The following PDE10A variants were observed in gnomAD, a reference collection of about 807,000 sequenced individuals.
PDE10A encodes the protein phosphodiesterase 10A.
A neutral mutation model predicts 97.7 loss-of-function variants in PDE10A; 39 were observed. The observed-to-expected ratio is 0.40, with a 90% CI of 0.31 to 0.52. PDE10A has a LOEUF of 0.52. Ranked by LOEUF, PDE10A falls within the 20% of genes least tolerant of loss-of-function variation. PDE10A has a pLI of 0.56. For synonymous variants in PDE10A, 371 were observed against 376.8 expected (o/e 0.98, Z 0.18); for missense variants, 731 against 1,047.8 (o/e 0.70, Z 4.17).
rs549480088 is a variant in PDE10A, at chr6:165,681,823, C to T, written c.-614-138255G>A. ...GTCCTTCTAATAAGTGAGCTGGCTA[C>T]TAGAGGAAGTGAGAAGCTCAGAGAG... is the stretch of plus-strand genomic sequence containing the variant. On this transcript the variant is annotated intron_variant, in intron 1 of 19. Transcript: ENST00000366882. Among the ~76,000 whole-genome samples the T allele has an allele frequency of 4.6e-5, 7 of 152,194 alleles. No individual in the cohort carries two copies. The East Asian group carries it at 1.4e-3, about 29-fold the overall frequency.
chr6:165,777,128 C>A (rs1778208742), intron 1 of PDE10A, among the ~76,000 whole-genome samples: 1 of 152,160 alleles, frequency 6.6e-6, no homozygotes, highest in African/African-American at 2.4e-5. Flanking sequence ...AACAGCATCC[C>A]GGACGAATCT....
At chr6:165,647,383 G>A (rs74478864) in intron 1 of PDE10A, among the ~76,000 whole-genome samples, 251 of 152,316 alleles carry the variant, frequency 1.6e-3, no homozygotes, top group African/African-American at 5.1e-3. Context: ...AGACAGGACC[G>A]AGTGAAGGCG....
At chr6:165,490,483 A>T (rs1780165558) in intron 2 of PDE10A, among the ~76,000 whole-genome samples, 1 of 152,204 alleles carries the variant, frequency 6.6e-6, no homozygotes, top group African/African-American at 2.4e-5. Context: ...TTCAAAATAC[A>T]CCAAAATAGA....
intron 1 of PDE10A, among the ~76,000 whole-genome samples, chr6:165,710,265 C>G (rs1582973173): frequency 6.6e-6 from 1 of 152,178 alleles, no homozygotes; most frequent in African/African-American, 2.4e-5. Flanking sequence ...GACACAAGGA[C>G]TGTATCTTGG....
intron 18 of PDE10A, among the ~76,000 whole-genome samples, chr6:165,364,289 T>C (rs1012706277): frequency 6.6e-6 from 1 of 152,132 alleles, no homozygotes; most frequent in African/African-American, 2.4e-5. Context: ...AGTTCCCACA[T>C]AATAGAAACC....
chr6:165,597,608 C>A (rs542708339), intron 1 of PDE10A, among the ~76,000 whole-genome samples: 1 of 152,272 alleles, frequency 6.6e-6, no homozygotes, highest in Non-Finnish European at 1.5e-5. Context: ...AAACGTAGCA[C>A]ATAAACAAAG....
intron 1 of PDE10A, among the ~76,000 whole-genome samples, chr6:165,828,671 C>G (rs948298862): frequency 6.6e-6 from 1 of 152,172 alleles, no homozygotes; most frequent in African/African-American, 2.4e-5. Flanking sequence ...CTCCTTAAAG[C>G]TGTTCTTTTT....
chr6:165,369,916 C>T (rs1262922342), intron 18 of PDE10A, among the ~76,000 whole-genome samples: 1 of 151,734 alleles, frequency 6.6e-6, no homozygotes, highest in Non-Finnish European at 1.5e-5. Flanking sequence ...AGAGTGGGGG[C>T]CAATATTCAA....
intron 1 of PDE10A, among the ~76,000 whole-genome samples, chr6:165,984,883 T>C (rs1479719896): frequency 6.6e-6 from 1 of 152,158 alleles, no homozygotes; most frequent in African/African-American, 2.4e-5. Flanking sequence ...CCGGAACCCG[T>C]CCTTTGTTTG....
At chr6:165,751,409 CAA>C (rs1217688223) in intron 1 of PDE10A, among the ~76,000 whole-genome samples, 1 of 152,142 alleles carries the variant, frequency 6.6e-6, no homozygotes, top group African/African-American at 2.4e-5. Flanking sequence ...CTGAGGGCAG[CAA>C]AAGTGAAGGA....
chr6:165,437,519 C>T (rs1246528970), intron 5 of PDE10A, among the ~76,000 whole-genome samples: 1 of 152,000 alleles, frequency 6.6e-6, no homozygotes, highest in African/African-American at 2.4e-5. Flanking sequence ...CAACTACTTG[C>T]TAGAATATGA....
intron 1 of PDE10A, among the ~76,000 whole-genome samples, chr6:165,673,013 G>A (rs929181503): frequency 1.3e-5 from 2 of 152,108 alleles, no homozygotes; most frequent in Non-Finnish European, 2.9e-5. Flanking sequence ...CCTTTGCCAT[G>A]AATTAAATAA....
chr6:165,932,428 T>G (rs1280544293), intron 1 of PDE10A, among the ~76,000 whole-genome samples: 2 of 152,102 alleles, frequency 1.3e-5, no homozygotes, highest in African/African-American at 4.8e-5. Flanking sequence ...CTCCGCCTCC[T>G]GAGTTCAAGC....
intron 2 of PDE10A, among the ~76,000 whole-genome samples, chr6:165,539,256 C>G (rs1193221942): frequency 6.6e-6 from 1 of 151,918 alleles, no homozygotes; most frequent in Non-Finnish European, 1.5e-5. Context: ...TTTTATGTAT[C>G]TGAAATGAAA....
chr6:165,464,686 T>A (rs1190338479), intron 3 of PDE10A, among the ~76,000 whole-genome samples: 1 of 152,182 alleles, frequency 6.6e-6, no homozygotes, highest in African/African-American at 2.4e-5. Context: ...AAACAGCCAC[T>A]CTTTTTGACT....
chr6:165,793,513 G>A (rs1002647884), intron 1 of PDE10A, among the ~76,000 whole-genome samples: 1 of 152,130 alleles, frequency 6.6e-6, no homozygotes, highest in African/African-American at 2.4e-5. Context: ...CTGCACACCT[G>A]ACAGTGCGCT....
intron 3 of PDE10A, among the ~76,000 whole-genome samples, chr6:165,466,492 T>C (rs1307734913): frequency 1.3e-5 from 2 of 152,222 alleles, no homozygotes; most frequent in Non-Finnish European, 2.9e-5. Context: ...CTGCTCTTTG[T>C]AGATATTGCA....
chr6:165,432,945 T>C, intron 7 of PDE10A, 29 bp downstream of exon 7: 1 of 1,595,408 alleles, frequency 6.3e-7, no homozygotes, highest in South Asian at 1.1e-5. Context: ...CAACTAAAAA[T>C]TCTAACATGC....
chr6:165,845,833 C>T lies in PDE10A; in HGVS notation c.-615+141696G>A, dbSNP rs529292395. Among the ~76,000 whole-genome samples the T allele has an allele frequency of 9.9e-5, 15 of 152,194 alleles. No individual in the cohort carries two copies. In the East Asian group the frequency reaches 1.2e-3, roughly 12 times the overall value. On this transcript the variant is annotated intron_variant, in intron 1 of 19. Coordinates refer to the PDE10A transcript ENST00000366882. ...ATGATTTATTATATTCTCTTTGGTA[C>T]GTTTAATAAGATTGTAAATCTGACC... is the stretch of plus-strand genomic sequence containing the variant.
Sources: allele counts gnomAD v4.1 joint callset (sites outside exome capture counted in the v4.1 genomes callset), GRCh38; gene constraint gnomAD v4.1.1; transcripts MANE v1.5; gene names NCBI Gene and HGNC (gene_info 2026-07-23, HGNC 2026-07-21).